Variants in FANCB observed in about 807,000 individuals in gnomAD.
The protein encoded by FANCB is FA complementation group B, also known as Fanconi anemia group B protein.
FANCB carries 5 observed loss-of-function variants against 38.9 expected under a neutral mutation model. The observed-to-expected ratio is 0.13, with a 90% CI of 0.07 to 0.27. The LOEUF (loss-of-function observed/expected upper bound fraction) is 0.27, where lower values mean the gene tolerates loss of function less well. Among genes scored for constraint, FANCB ranks in the 10% least tolerant of loss-of-function variants. FANCB has a pLI of 1.00. For synonymous variants in FANCB, 236 were observed against 215.4 expected (o/e 1.10, Z -0.84); for missense variants, 573 against 602.7 (o/e 0.95, Z 0.52).
At chrX:14,736,721 A>G in the FANCB span, among the ~76,000 whole-genome samples, 2 of 112,390 alleles carry the variant, frequency 1.8e-5, no homozygotes, top group Non-Finnish European at 3.8e-5. Flanking sequence ...AATGACAATG[A>G]TAACTTGGAT....
At chrX:14,791,471 T>C in the FANCB span, among the ~76,000 whole-genome samples, 1 of 111,587 alleles carries the variant, frequency 9.0e-6, no homozygotes, top group Non-Finnish European at 1.9e-5. Flanking sequence ...TCCAGACTGG[T>C]GATGATAAAT....
At chrX:14,819,215 T>C in the FANCB span, among the ~76,000 whole-genome samples, 2 of 111,791 alleles carry the variant, frequency 1.8e-5, no homozygotes, top group Admixed American at 1.9e-4. Context: ...TCCCATGACA[T>C]AAGGCCCTTG....
At chrX:14,699,180 A>G in the FANCB span, among the ~76,000 whole-genome samples, 4 of 112,188 alleles carry the variant, frequency 3.6e-5, no homozygotes, top group South Asian at 1.1e-3. Context: ...CTCTGCTCCA[A>G]TAAGAAATAT....
At chrX:14,728,126 A>G in the FANCB span, among the ~76,000 whole-genome samples, 1 of 111,807 alleles carries the variant, frequency 8.9e-6, no homozygotes, top group African/African-American at 3.2e-5. Flanking sequence ...TTGTGATATA[A>G]TGGTCTGATT....
At chrX:14,720,271 G>A in the FANCB span, among the ~76,000 whole-genome samples, 6 of 111,474 alleles carry the variant, frequency 5.4e-5, no homozygotes, top group African/African-American at 1.3e-4. Context: ...CATTGTACAC[G>A]TGTATTGAAA....
chrX:14,716,860 T>A, the FANCB span, among the ~76,000 whole-genome samples: 1 of 111,423 alleles, frequency 9.0e-6, no homozygotes, highest in African/African-American at 3.3e-5. Context: ...TTTTTCAGAA[T>A]AGGAGAATCA....
intron 3 of FANCB, among the ~76,000 whole-genome samples, chrX:14,861,097 C>T (rs910258727): frequency 4.5e-5 from 5 of 110,664 alleles, no homozygotes; most frequent in African/African-American, 9.9e-5. Flanking sequence ...TTGCCCAGGC[C>T]GGTCTCAAAC....
At chrX:14,818,390 A>G in the FANCB span, among the ~76,000 whole-genome samples, 2,379 of 108,666 alleles carry the variant, frequency 0.022, 62 homozygotes, top group African/African-American at 0.075. Context: ...AAAAAAAAAA[A>G]AGAGAGAGAC....
chrX:14,716,848 T>G, the FANCB span, among the ~76,000 whole-genome samples: 3 of 111,003 alleles, frequency 2.7e-5, no homozygotes, highest in Non-Finnish European at 5.7e-5. Context: ...AACTAGAAAG[T>G]CTTTTTCAGA....
chrX:14,810,949 C>A, the FANCB span, among the ~76,000 whole-genome samples: 1 of 112,171 alleles, frequency 8.9e-6, no homozygotes, highest in Non-Finnish European at 1.9e-5. Context: ...GGAAGCCCAT[C>A]AGACTAACAG....
At chrX:14,829,351 G>C in the FANCB span, among the ~76,000 whole-genome samples, 10 of 111,247 alleles carry the variant, frequency 9.0e-5, no homozygotes, top group East Asian at 2.6e-3. Context: ...AACAGTCCTA[G>C]GATTTTCAGA....
At chrX:14,710,716 G>T in the FANCB span, among the ~76,000 whole-genome samples, 1 of 111,964 alleles carries the variant, frequency 8.9e-6, no homozygotes, top group African/African-American at 3.2e-5. Context: ...ACTTCTGAGA[G>T]ATTATGGAGG....
chrX:14,867,128 A>C (rs2092472800), intron 2 of FANCB, among the ~76,000 whole-genome samples: 1 of 111,800 alleles, frequency 8.9e-6, no homozygotes. Context: ...GGATTGGTAG[A>C]ATTAATACTG....
the FANCB span, chrX:14,731,582 G>T: frequency 9.0e-6 from 1 of 111,590 alleles, no homozygotes; most frequent in Non-Finnish European, 1.9e-5. Context: ...CTAACTTAAA[G>T]AATTTTAAAA....
At chrX:14,748,098 CAG>C in the FANCB span, among the ~76,000 whole-genome samples, 1 of 111,691 alleles carries the variant, frequency 9.0e-6, no homozygotes, top group Non-Finnish European at 1.9e-5. Flanking sequence ...GCAAGTGTGA[CAG>C]GGTGTCACCT....
the FANCB span, among the ~76,000 whole-genome samples, chrX:14,795,328 C>A: frequency 8.9e-6 from 1 of 112,282 alleles, no homozygotes; most frequent in Non-Finnish European, 1.9e-5. Flanking sequence ...AAAATTAATG[C>A]ATTCACTCAT....
chrX:14,776,656 A>G, the FANCB span, among the ~76,000 whole-genome samples: 1 of 112,429 alleles, frequency 8.9e-6, no homozygotes, highest in African/African-American at 3.2e-5. Flanking sequence ...TATTGCAGCT[A>G]CTTAGTTGTT....
At chrX:14,791,856 A>G in the FANCB span, among the ~76,000 whole-genome samples, 2 of 111,769 alleles carry the variant, frequency 1.8e-5, no homozygotes, top group African/African-American at 6.5e-5. Context: ...TTGTTAATAT[A>G]CCTTTTCTTC....
At chrX:14,863,203 T>C (rs770124185) in intron 3 of FANCB, among the ~76,000 whole-genome samples, 140 of 112,196 alleles carry the variant, frequency 1.2e-3, no homozygotes, top group African/African-American at 4.0e-3. Context: ...ACAATAATGA[T>C]TCACATTTAA....
Sources: gnomAD v4.1 joint callset for allele counts (sites outside exome capture counted in the v4.1 genomes callset) on GRCh38, gnomAD v4.1.1 for gene constraint, MANE v1.5 for transcripts, NCBI Gene and HGNC (gene_info 2026-07-23, HGNC 2026-07-21) for gene names.